The following STPG2 variants were observed in gnomAD, a reference collection of about 807,000 sequenced individuals.
STPG2 encodes the protein sperm tail PG-rich repeat containing 2, also known as sperm-tail PG-rich repeat-containing protein 2.
Under a neutral mutation model 54.2 loss-of-function variants are expected in STPG2, and 56 were observed. The ratio of observed to expected loss-of-function variants is 1.03; its 90% CI spans 0.83 to 1.29. The LOEUF (loss-of-function observed/expected upper bound fraction) is 1.29, where lower values mean the gene tolerates loss of function less well. Ranked by LOEUF, STPG2 falls within the 50% of genes most tolerant of loss-of-function variation. STPG2 has a pLI of 0.00. For missense variants in STPG2, 596 were observed against 544.9 expected, an observed-to-expected ratio of 1.09 and a Z score of -0.93; for synonymous variants, 200 against 181.8, an observed-to-expected ratio of 1.10 and a Z score of -0.81.
intron 5 of STPG2, among the ~76,000 whole-genome samples, chr4:98,057,195 A>C (rs2110095452): frequency 6.6e-6 from 1 of 152,334 alleles, no homozygotes. Flanking sequence ...TTCAGAACCA[A>C]GCTGAGGCTA....
intron 4 of STPG2, among the ~76,000 whole-genome samples, chr4:97,453,891 G>A (rs1729442947): frequency 6.6e-6 from 1 of 152,136 alleles, no homozygotes; most frequent in South Asian, 2.1e-4. Flanking sequence ...GTCTGAATTT[G>A]GGCACTAGAG....
chr4:98,080,188 A>C (rs1527521), intron 5 of STPG2, among the ~76,000 whole-genome samples: 241 of 152,334 alleles, frequency 1.6e-3, no homozygotes, highest in African/African-American at 5.7e-3. Flanking sequence ...AAAATTGTTT[A>C]ATGTAAAATA....
chr4:97,955,512 G>C (rs913956354), intron 7 of STPG2, among the ~76,000 whole-genome samples: 1 of 152,086 alleles, frequency 6.6e-6, no homozygotes, highest in Admixed American at 6.5e-5. Context: ...ACCGCACCCG[G>C]CCTAATACAG....
chr4:98,074,604 C>G (rs1385465492), intron 5 of STPG2, among the ~76,000 whole-genome samples: 1 of 152,100 alleles, frequency 6.6e-6, no homozygotes, highest in East Asian at 1.9e-4. Context: ...ACCTTCTATT[C>G]TTTTACTCAG....
chr4:97,891,382 G>A (rs1440367412), intron 8 of STPG2, among the ~76,000 whole-genome samples: 3 of 151,952 alleles, frequency 2.0e-5, no homozygotes, highest in Non-Finnish European at 4.4e-5. Context: ...GGTTATGAGA[G>A]AACTTTGTGT....
intron 8 of STPG2, among the ~76,000 whole-genome samples, chr4:97,909,680 T>C (rs1392167522): frequency 6.6e-6 from 1 of 152,172 alleles, no homozygotes; most frequent in African/African-American, 2.4e-5. Flanking sequence ...ATTTACTTGA[T>C]AAGAGAATTA....
At chr4:97,549,152 T>C (rs1417856473) in intron 4 of STPG2, among the ~76,000 whole-genome samples, 4 of 152,170 alleles carry the variant, frequency 2.6e-5, no homozygotes. Flanking sequence ...TACCAACTTG[T>C]GGCCTTCAAA....
At chr4:98,047,503 A>C (rs1470969109) in intron 5 of STPG2, among the ~76,000 whole-genome samples, 2 of 152,068 alleles carry the variant, frequency 1.3e-5, no homozygotes, top group African/African-American at 4.8e-5. Flanking sequence ...CTCTGCATTA[A>C]ATTCATGGGA....
intron 5 of STPG2, among the ~76,000 whole-genome samples, chr4:97,983,168 T>C (rs1211639691): frequency 6.6e-6 from 1 of 152,216 alleles, no homozygotes; most frequent in East Asian, 1.9e-4. Context: ...CTATTGAATG[T>C]AATGACAAGA....
intron 4 of STPG2, among the ~76,000 whole-genome samples, chr4:97,495,537 T>C (rs1366806164): frequency 6.6e-6 from 1 of 151,378 alleles, no homozygotes; most frequent in Non-Finnish European, 1.5e-5. Context: ...GAGTAATATA[T>C]TATGCAGTTC....
chr4:97,600,459 T>C (rs1373731989), intron 10 of STPG2, among the ~76,000 whole-genome samples: 1 of 152,210 alleles, frequency 6.6e-6, no homozygotes, highest in South Asian at 2.1e-4. Flanking sequence ...GGAAATGTTT[T>C]GAAAGAGTTC....
At chr4:97,994,369 C>CT (rs1388000317) in intron 5 of STPG2, among the ~76,000 whole-genome samples, 2 of 152,068 alleles carry the variant, frequency 1.3e-5, no homozygotes, top group South Asian at 4.1e-4. Context: ...TTTGTTGAGA[C>CT]TTTTTTTGTG....
intron 4 of STPG2, among the ~76,000 whole-genome samples, chr4:97,552,615 T>C (rs1020407220): frequency 2.0e-5 from 3 of 152,144 alleles, no homozygotes; most frequent in Non-Finnish European, 2.9e-5. Flanking sequence ...TGAATATATA[T>C]GCTAGAGGAC....
chr4:97,974,208 G>A (rs1234163343), intron 6 of STPG2, among the ~76,000 whole-genome samples: 2 of 152,172 alleles, frequency 1.3e-5, no homozygotes, highest in Non-Finnish European at 2.9e-5. Flanking sequence ...GACTTGCATA[G>A]GGCCTGTAGC....
chr4:97,900,008 T>A (rs972169411), intron 8 of STPG2, among the ~76,000 whole-genome samples: 14 of 151,760 alleles, frequency 9.2e-5, no homozygotes, highest in Non-Finnish European at 1.8e-4. Flanking sequence ...GGAAGGAAAT[T>A]TTTGCAAACT....
chr4:97,952,681 G>A (rs1733518837), intron 7 of STPG2, among the ~76,000 whole-genome samples: 2 of 152,156 alleles, frequency 1.3e-5, no homozygotes, highest in African/African-American at 4.8e-5. Context: ...GATGGCAGGG[G>A]AGGGTCATAG....
At chr4:97,712,563 T>G in intron 10 of STPG2, 136 bp downstream of exon 10, 1 of 517,084 alleles carries the variant, frequency 1.9e-6, no homozygotes, top group Non-Finnish European at 3.1e-6. Context: ...TTCAAAAATC[T>G]CCTTAGTCAA....
chr4:97,856,824 G>C (rs964720604), intron 8 of STPG2, among the ~76,000 whole-genome samples: 2 of 152,042 alleles, frequency 1.3e-5, no homozygotes, highest in African/African-American at 4.8e-5. Context: ...TTATTTTGAA[G>C]TATGTTATTT....
intron 8 of STPG2, among the ~76,000 whole-genome samples, chr4:97,863,670 C>T (rs927796463): frequency 6.6e-6 from 1 of 152,030 alleles, no homozygotes; most frequent in African/African-American, 2.4e-5. Context: ...GACCAATATC[C>T]CTGATAAACA....
Sources: gnomAD v4.1 joint callset for allele counts (sites outside exome capture counted in the v4.1 genomes callset) on GRCh38, gnomAD v4.1.1 for gene constraint, MANE v1.5 for transcripts, NCBI Gene and HGNC (gene_info 2026-07-23, HGNC 2026-07-21) for gene names.